SLC12A3: variants seen among roughly 807,000 people sequenced by gnomAD.
SLC12A3 encodes the protein solute carrier family 12 member 3, also known as Na-Cl cotransporter.
A neutral mutation model predicts 121.0 loss-of-function variants in SLC12A3; 104 were observed. The ratio of observed to expected loss-of-function variants is 0.86; its 90% CI spans 0.73 to 1.01. The LOEUF is 1.01. Ranked by LOEUF, SLC12A3 falls within the 50% of genes least tolerant of loss-of-function variation. The pLI, the probability that SLC12A3 is intolerant of heterozygous loss-of-function variation, is 0.00. For synonymous variants in SLC12A3, 536 were observed against 533.4 expected (o/e 1.00, Z -0.07); for missense variants, 1,328 against 1,356.3 (o/e 0.98, Z 0.33).
chr16:56,872,823 T>A, intron 8 of SLC12A3, 37 bp downstream of exon 8: 2 of 1,612,850 alleles, frequency 1.2e-6, no homozygotes, highest in Non-Finnish European at 1.7e-6. Flanking sequence ...GTCCTGGCAC[T>A]GCACAGGGGC....
rs537839894 is a variant in SLC12A3, at chr16:56,905,575, C to T, written c.2924+1113C>T. On this transcript the variant is annotated intron_variant, in intron 25 of 25. Transcript: ENST00000563236. Reference sequence around the variant, plus strand: ...CAGATGCCAGGTTCTGCATGACAGCCGAAATGTTCGTGGAAACTGCTTGTT... The same window carrying T: ...CAGATGCCAGGTTCTGCATGACAGCTGAAATGTTCGTGGAAACTGCTTGTT... Among the ~76,000 whole-genome samples the T allele has an allele frequency of 5.1e-4, 77 of 151,724 alleles. 3 individuals carry two copies. In the South Asian group the frequency reaches 0.011, roughly 22 times the overall value.
intron 25 of SLC12A3, among the ~76,000 whole-genome samples, chr16:56,909,413 AC>A (rs1303399821): frequency 1.8e-5 from 1 of 55,868 alleles, no homozygotes; most frequent in Admixed American, 1.8e-4. Flanking sequence ...CTCCCTTCCC[AC>A]CCCCCATCCC....
chr16:56,904,823 G>T, intron 25 of SLC12A3: 1 of 352,304 alleles, frequency 2.8e-6, no homozygotes. Flanking sequence ...GAATTACTTG[G>T]CCCTCCTTGG....
chr16:56,909,201 G>C (rs2055650267), intron 25 of SLC12A3, among the ~76,000 whole-genome samples: 1 of 151,890 alleles, frequency 6.6e-6, no homozygotes, highest in Non-Finnish European at 1.5e-5. Context: ...GCTCATGCCT[G>C]TAATCCCAGC....
chr16:56,891,830 C>T (rs1421869438), intron 19 of SLC12A3, among the ~76,000 whole-genome samples: 1 of 152,046 alleles, frequency 6.6e-6, no homozygotes, highest in Non-Finnish European at 1.5e-5. Flanking sequence ...CAGGGCGCAC[C>T]CACCGCCACG....
intron 24 of SLC12A3, among the ~76,000 whole-genome samples, chr16:56,903,981 G>A (rs2055573029): frequency 6.6e-6 from 1 of 152,214 alleles, no homozygotes; most frequent in Non-Finnish European, 1.5e-5. Context: ...TGTCTCATTT[G>A]ATCCTCCCCA....
intron 21 of SLC12A3, 142 bp downstream of exon 21, chr16:56,893,196 C>T: frequency 1.5e-6 from 1 of 672,198 alleles, no homozygotes; most frequent in Non-Finnish European, 2.7e-6. Flanking sequence ...CCCAGAGGGA[C>T]CCCTCTGTCT....
chr16:56,866,800 G>C (rs1198874541), intron 1 of SLC12A3, among the ~76,000 whole-genome samples: 2 of 152,140 alleles, frequency 1.3e-5, no homozygotes, highest in African/African-American at 4.8e-5. Flanking sequence ...TAGAGACAGG[G>C]TTTTACCTTG....
intron 16 of SLC12A3, 79 bp downstream of exon 16, chr16:56,886,554 A>AC: frequency 7.8e-7 from 1 of 1,290,318 alleles, no homozygotes; most frequent in East Asian, 2.3e-5. Context: ...GGGAGCCAAG[A>AC]CAGGTGGATC....
At position 56,880,201 on chromosome 16, in the gene SLC12A3, C is replaced by T. The variant is rs746099974; in HGVS notation, c.1515C>T (p.Pro505=). Residue 505 remains proline, a synonymous_variant, in exon 12 of 26, where the codon CCC becomes CCT. Transcript: ENST00000563236. The part of the protein sequence containing the change: ...FGKGYGKNKE[P]VRGYLLAYAI... The stretch of plus-strand genomic sequence containing the variant: ...AAGGCTATGGCAAGAACAAGGAGCC[C>T]GTGCGTGGCTACCTGCTGGCCTACG... 30 of 1,596,904 alleles carry T rather than the reference C, an allele frequency of 1.9e-5. No individual in the cohort carries two copies. The East Asian group carries it at 2.0e-4, about 11-fold the overall frequency.
At chr16:56,890,545 TGGGGCAGAGCCAGGACTGGAACTCAG>T (rs1462777250) in intron 19 of SLC12A3, among the ~76,000 whole-genome samples, 189 bp downstream of exon 19, 1 of 152,158 alleles carries the variant, frequency 6.6e-6, no homozygotes, top group African/African-American at 2.4e-5. Context: ...GCTTCCCAGG[TGGGGCAGAGCCAGGACTGGAACTCAG>T]GGTTCCCCAA....
rs1234084097 is a variant in SLC12A3, at chr16:56,870,330, C to T, written c.741+95C>T. 3.7e-6 allele frequency: 5 copies of T among 1,346,300 alleles called. No homozygotes were observed. In the African/African-American group the frequency reaches 5.8e-5, roughly 16 times the overall value. 83.4% of individuals were successfully genotyped at this position (1,346,300 alleles called of 1,614,324 possible). ...TGGGCTGGGGCCTCCTGCTGCTCTG[C>T]CTGACTTCACCCATCAGGAACCACA... is the stretch of plus-strand genomic sequence containing the variant. On this transcript the variant is annotated intron_variant, in intron 5 of 25. Coordinates refer to ENST00000563236, the MANE Select transcript of SLC12A3 (RefSeq NM_001126108.2).
chr16:56,884,077 C>A lies in SLC12A3; in HGVS notation c.1698C>A (p.Asn566Lys), dbSNP rs757776621. Residue 566 changes from asparagine to lysine, a missense_variant, in exon 14 of 26, where the codon AAC becomes AAA. Transcript: ENST00000563236. ...GGAGACCTTCATTCCAATACTACAA[C>A]AAGTGGGCGGCGCTGTTTGGGGCTA... ...PGWRPSFQYYNKWAALFGAII... is the reference protein window; with the variant it reads ...PGWRPSFQYYKKWAALFGAII... 146 of 1,614,108 alleles carry A rather than the reference C, an allele frequency of 9.0e-5. 1 individual carries two copies. In the East Asian group the frequency reaches 3.2e-3, roughly 35 times the overall value.
In SLC12A3 at chr16:56,894,458, C is replaced by A. The variant is rs556601841; in HGVS notation, c.2522-73C>A. 27 of 1,049,994 alleles carry A rather than the reference C, an allele frequency of 2.6e-5. No individual in the cohort carries two copies. The African/African-American group carries it at 3.8e-4, about 15-fold the overall frequency. The allele number at this position is 1,049,994 out of a possible 1,614,324, so 65.0% of individuals were successfully genotyped here. ...AGGAAGGGGTTTGCTAATGGCAGAG[C>A]GGGGCAGGAACTCACATAGTGCTCT... On this transcript the variant is annotated intron_variant, in intron 21 of 25. Transcript: ENST00000563236.
At chr16:56,896,984 C>T (rs532562493) in intron 22 of SLC12A3, among the ~76,000 whole-genome samples, 2 of 151,828 alleles carry the variant, frequency 1.3e-5, no homozygotes, top group Admixed American at 1.3e-4. Context: ...CCCAACTACT[C>T]AGGAGGCTGA....
intron 23 of SLC12A3, among the ~76,000 whole-genome samples, chr16:56,901,998 A>G (rs1322226088): frequency 1.3e-5 from 2 of 152,216 alleles, no homozygotes; most frequent in Non-Finnish European, 2.9e-5. Context: ...TTGTCCCTTC[A>G]TAAGCTTCCA....
chr16:56,870,126 T>C lies in SLC12A3; in HGVS notation c.632T>C (p.Leu211Pro). The C allele has an allele frequency of 6.2e-7, 1 of 1,613,958 alleles. No individual in the cohort carries two copies. Among genetic ancestry groups the C allele is most frequent in the Non-Finnish European group, 8.5e-7 (1 of 1,180,040 alleles). Reference protein sequence around the residue: ...GGTYFLISRSLGPELGGSIGL... With the variant: ...GGTYFLISRSPGPELGGSIGL... Reference sequence around the variant, plus strand: ...ACCTACTTCCTCATCTCCCGGAGTCTGGGCCCAGAGCTTGGGGGCTCCATC... The same window carrying C: ...ACCTACTTCCTCATCTCCCGGAGTCCGGGCCCAGAGCTTGGGGGCTCCATC... The change falls in exon 5 of 26, where the codon CTG (leucine) becomes CCG (proline). Residue 211 changes from leucine to proline, a missense_variant. Physicochemically the swap from Leu to Pro is moderately conservative, Grantham distance 98. Transcript: ENST00000563236.
rs747383768 is a variant in SLC12A3, at chr16:56,899,555, C to A, written c.2659C>A (p.Arg887=). The A allele has an allele frequency of 6.2e-7, 1 of 1,613,982 alleles. No individual in the cohort carries two copies. The highest frequency in any genetic ancestry group is 1.1e-5 in the South Asian group (1 of 91,086). ...KAIISLLSKF[R]LGFHEVHILP... Reference sequence around the variant, plus strand: ...GATCATTTCTCTGCTGAGCAAGTTCCGACTGGGATTCCATGAAGTCCACAT... The same window carrying A: ...GATCATTTCTCTGCTGAGCAAGTTCAGACTGGGATTCCATGAAGTCCACAT... Residue 887 remains arginine (R), a synonymous_variant, in exon 23 of 26, where the codon CGA becomes AGA. Transcript: ENST00000563236.
In SLC12A3 at chr16:56,865,336, C is replaced by T. The variant is rs780222366; in HGVS notation, c.101C>T (p.Pro34Leu). The change falls in exon 1 of 26, where the codon CCA (proline) becomes CTA (leucine). Residue 34 changes from proline (P) to leucine (L), a missense_variant. By Grantham distance (98) the Pro-to-Leu change is moderately conservative. Transcript: ENST00000563236. ...TLLSSDEPSP[P>L]AAYDSSHPSH... ...CTGAGCAGTGATGAGCCCTCTCCAC[C>T]AGCTGCCTATGACAGCAGCCACCCC... 3 of 1,614,004 alleles carry T rather than the reference C, an allele frequency of 1.9e-6. No individual in the cohort carries two copies. In the East Asian group the frequency reaches 6.7e-5, roughly 36 times the overall value.
Sources: allele counts gnomAD v4.1 joint callset (sites outside exome capture counted in the v4.1 genomes callset), GRCh38; gene constraint gnomAD v4.1.1; transcripts MANE v1.5; gene names NCBI Gene and HGNC (gene_info 2026-07-23, HGNC 2026-07-21).